RYR1: variants seen among roughly 807,000 people sequenced by gnomAD.
RYR1 encodes the protein ryanodine receptor 1.
RYR1 carries 342 observed loss-of-function variants against 583.5 expected under a neutral mutation model. The ratio of observed to expected loss-of-function variants is 0.59; its 90% CI spans 0.54 to 0.64. The LOEUF (loss-of-function observed/expected upper bound fraction) is 0.64. Among genes scored for constraint, RYR1 ranks in the 30% least tolerant of loss-of-function variants. RYR1 has a pLI of 0.00. For missense variants in RYR1, 6,032 were observed against 6,917.2 expected, an observed-to-expected ratio of 0.87 and a Z score of 4.54; for synonymous variants, 2,791 against 2,822.5, an observed-to-expected ratio of 0.99 and a Z score of 0.35.
rs777338750 is a variant in RYR1 at position 38,504,698 on chromosome 19, CA to C, written c.8068-49del. On this transcript the variant is annotated intron_variant, in intron 50 of 105. Transcript: ENST00000359596. ...TGTGTGAGTTTGAGGTCCTGGGGGT[CA>C]GTAAGGCTTATAGCGACCTCCTACC... 5 of 1,602,108 alleles carry C rather than the reference CA, an allele frequency of 3.1e-6. No homozygotes were observed. In the East Asian group the frequency reaches 1.1e-4, roughly 36 times the overall value.
rs187674670 is a variant in RYR1, at chr19:38,565,600, G to C, written c.13266G>C (p.Glu4422Asp). 1 of 1,452,836 alleles carries C rather than the reference G, an allele frequency of 6.9e-7. No individual in the cohort carries two copies. Among genetic ancestry groups the C allele is most frequent in the South Asian group, 1.4e-5 (1 of 72,528 alleles). The allele number at this position is 1,452,836 out of a possible 1,614,324, so 90.0% of individuals were successfully genotyped here. The change falls in exon 91 of 106, where the codon GAG becomes GAC. Residue 4422 changes from glutamate (E) to aspartate (D), a missense_variant. Glu to Asp is a conservative substitution (Grantham distance 45). Transcript: ENST00000359596. The surrounding 1 kb of genome is among the most constrained non-coding windows in gnomAD (Gnocchi z 4.7). ...ACGCCGCGGAGGGCGCTGGAGACGAGGAGGAGGCGGTGCACGAGGCCGGGC... is the reference window on the plus strand; with the variant it reads ...ACGCCGCGGAGGGCGCTGGAGACGACGAGGAGGCGGTGCACGAGGCCGGGC... ...AGDAAEGAGD[E>D]EEAVHEAGPG...
At position 38,573,455 on chromosome 19, in the gene RYR1, G is replaced by A. The variant is rs1424071540; in HGVS notation, c.14129+148G>A. ...CCGGCACTTTGGGAGGCTAAGGCGG[G>A]CGGATCACGAGGTCAGGAGTTTGAG... On this transcript the variant is annotated intron_variant, in intron 96 of 105. Coordinates refer to ENST00000359596, the MANE Select transcript of RYR1 (RefSeq NM_000540.3). The A allele has an allele frequency of 3.9e-6, 4 of 1,027,842 alleles. No individual in the cohort carries two copies. The African/African-American group carries it at 6.5e-5, about 17-fold the overall frequency. 63.7% of individuals were successfully genotyped at this position (1,027,842 alleles called of 1,614,324 possible).
chr19:38,514,558 G>T (rs1289424185), intron 63 of RYR1, among the ~76,000 whole-genome samples: 1 of 151,932 alleles, frequency 6.6e-6, no homozygotes, highest in Non-Finnish European at 1.5e-5. Context: ...GGGATTACAG[G>T]CATGAGCCTC....
chr19:38,576,729 G>A (rs1490119950), intron 97 of RYR1, among the ~76,000 whole-genome samples: 1 of 151,976 alleles, frequency 6.6e-6, no homozygotes, highest in Non-Finnish European at 1.5e-5. Flanking sequence ...GAACCCGGGC[G>A]GCAGAGGCTG....
In RYR1 at chr19:38,500,592, C is replaced by G. The variant is rs780826847; in HGVS notation, c.7324-14C>G. 4 of 1,612,086 alleles carry G rather than the reference C, an allele frequency of 2.5e-6. No individual in the cohort carries two copies. In the South Asian group the frequency reaches 3.3e-5, roughly 13 times the overall value. On this transcript the variant is annotated splice_polypyrimidine_tract_variant and intron_variant, in intron 45 of 105. Transcript: ENST00000359596. This position sits in a 1 kb window ranked among gnomAD's most constrained non-coding sequence, Gnocchi z 5.9. ...CGCCTGATGAGTGCCCCTCTCCCTCCCTCTACTCCCCAGCTAATCCAAGCC... is the reference window on the plus strand; with the variant it reads ...CGCCTGATGAGTGCCCCTCTCCCTCGCTCTACTCCCCAGCTAATCCAAGCC...
At chr19:38,468,048 TCATCCATC>T (rs753008033) in intron 25 of RYR1, among the ~76,000 whole-genome samples, 11 of 67,690 alleles carry the variant, frequency 1.6e-4, no homozygotes, top group African/African-American at 3.1e-4. Flanking sequence ...CATCCATCCA[TCATCCATC>T]CATCCATCCA....
chr19:38,510,880 G>C (rs1000510744), intron 60 of RYR1, 99 bp downstream of exon 60: 8 of 1,551,958 alleles, frequency 5.2e-6, no homozygotes, highest in Non-Finnish European at 7.0e-6. Flanking sequence ...GTTGGGTACT[G>C]ACCGTCTCCT....
intron 47 of RYR1, 75 bp from the exon 48 acceptor site, chr19:38,502,432 A>G (rs988826549): frequency 2.2e-6 from 3 of 1,395,290 alleles, no homozygotes; most frequent in South Asian, 1.2e-5. Context: ...TCCTTTGGCC[A>G]CAGTCGCTCA....
At chr19:38,539,238 CTTTTTTTTTT>C (rs766181329) in intron 84 of RYR1, among the ~76,000 whole-genome samples, 1 of 118,714 alleles carries the variant, frequency 8.4e-6, no homozygotes, top group African/African-American at 3.1e-5. Context: ...AAGATTTTTT[CTTTTTTTTTT>C]TTTTTTTTTT....
At chr19:38,488,534 G>C (rs7252028) in intron 34 of RYR1, among the ~76,000 whole-genome samples, 33,806 of 151,874 alleles carry the variant, frequency 0.22, 5,212 homozygotes, top group African/African-American at 0.43. Flanking sequence ...CAGACTCTCC[G>C]TCTGTCATGC....
intron 87 of RYR1, 33 bp from the exon 88 acceptor site, chr19:38,546,412 T>G (rs1972426759): frequency 1.3e-6 from 2 of 1,598,830 alleles, no homozygotes; most frequent in Admixed American, 1.7e-5. Flanking sequence ...AGGTGTATGC[T>G]GAGACCAGCC....
chr19:38,539,242 T>C (rs965220895), intron 84 of RYR1, among the ~76,000 whole-genome samples: 11 of 149,050 alleles, frequency 7.4e-5, no homozygotes, highest in African/African-American at 1.5e-4. Context: ...TTTTTTCTTT[T>C]TTTTTTTTTT....
At chr19:38,477,214 C>T (rs1968778840) in intron 29 of RYR1, among the ~76,000 whole-genome samples, 2 of 152,244 alleles carry the variant, frequency 1.3e-5, no homozygotes, top group East Asian at 3.9e-4. Context: ...ACGATCTCGG[C>T]TCACTGCAAC....
At position 38,527,781 on chromosome 19, in the gene RYR1, C is replaced by A; in HGVS notation, c.10821C>A (p.Asp3607Glu). Residue 3607 changes from aspartate (D) to glutamate (E), a missense_variant, in exon 73 of 106, where the codon GAC becomes GAA. Around this residue, in one of 11 missense-constraint regions of RYR1, gnomAD observed 1,493 missense variants for 1,715.5 expected, o/e 0.87. Coordinates refer to ENST00000359596, the MANE Select transcript of RYR1 (RefSeq NM_000540.3). The stretch of plus-strand genomic sequence containing the variant: ...TGTCAGCCGTGCTCTACTACCTGGA[C>A]CAGGTGGGTGGGGCCGGAGGGGTCT... ...QEVSAVLYYL[D>E]QTEHPYKSKK... 1 of 1,613,762 alleles carries A rather than the reference C, an allele frequency of 6.2e-7. No individual in the cohort carries two copies. Among genetic ancestry groups the A allele is most frequent in the Non-Finnish European group, 8.5e-7 (1 of 1,179,960 alleles).
Position 38,451,804 on chromosome 19 carries a change from C to A in RYR1, c.1163C>A (p.Ser388Ter), listed in dbSNP as rs777892571. The A allele has an allele frequency of 1.9e-6, 3 of 1,614,124 alleles. No homozygotes were observed. Among genetic ancestry groups the A allele is most frequent in the Non-Finnish European group, 1.7e-6 (2 of 1,180,026 alleles). ...HQEGHMDDALSLTRCQQEESQ... is the reference protein window; with the variant it reads ...HQEGHMDDAL ...GAGGGCCACATGGACGACGCACTGTCGCTGACCCGCTGCCAGCAGGAGGAG... is the reference window on the plus strand; with the variant it reads ...GAGGGCCACATGGACGACGCACTGTAGCTGACCCGCTGCCAGCAGGAGGAG... The change falls in exon 12 of 106, where the codon TCG becomes TAG. Residue 388 changes from serine to a stop codon, truncating the protein, a stop_gained. Transcript: ENST00000359596. LOFTEE classifies it high-confidence loss of function.
rs1568454665 is a variant in RYR1 at position 38,460,513 on chromosome 19, C to G, written c.2499C>G (p.Pro833=). 2 of 1,614,174 alleles carry G rather than the reference C, an allele frequency of 1.2e-6. No homozygotes were observed. Among genetic ancestry groups the G allele is most frequent in the South Asian group, 2.2e-5 (2 of 91,088 alleles). ...TCAAGGAGTATCGACGGGAGGGGCC[C>G]CGGGGGCCTCACCTGGTGGGCCCCA... ...EPIKEYRREG[P]RGPHLVGPSR... The change falls in exon 20 of 106, where the codon CCC becomes CCG. Residue 833 remains proline, a synonymous_variant. Coordinates refer to ENST00000359596, the MANE Select transcript of RYR1 (RefSeq NM_000540.3).
chr19:38,550,207 A>C (rs1192497746), intron 89 of RYR1, among the ~76,000 whole-genome samples: 2 of 152,068 alleles, frequency 1.3e-5, no homozygotes, highest in Non-Finnish European at 2.9e-5. Context: ...TCCCTTGTTG[A>C]ATAAATTTCT....
At chr19:38,584,456 G>T (rs1974366062) in intron 101 of RYR1, among the ~76,000 whole-genome samples, 1 of 45,946 alleles carries the variant, frequency 2.2e-5, no homozygotes, top group Non-Finnish European at 4.0e-5. Context: ...ACCCAACCTG[G>T]CCCTGACCCT....
intron 105 of RYR1, among the ~76,000 whole-genome samples, chr19:38,586,985 TG>T (rs1974520457): frequency 6.7e-6 from 1 of 148,326 alleles, no homozygotes. Flanking sequence ...AAAATGGGTT[TG>T]GGCTGGGCGT....
Sources: gnomAD v4.1 joint callset for allele counts (sites outside exome capture counted in the v4.1 genomes callset) on GRCh38, gnomAD v4.1.1 for gene constraint, gnomAD v4.1.1 regional missense constraint, Gnocchi (gnomAD v3.1) non-coding constraint, MANE v1.5 for transcripts, NCBI Gene and HGNC (gene_info 2026-07-23, HGNC 2026-07-21) for gene names.